Variants in COL5A1 observed in about 807,000 individuals in gnomAD.
The protein encoded by COL5A1 is collagen type V alpha 1 chain, also known as collagen alpha-1(V) chain.
In COL5A1, 16 loss-of-function variants were observed where a neutral mutation model predicts 263.7. That is an observed-to-expected ratio of 0.06 (90% CI 0.04 to 0.09). The LOEUF is 0.09. Among genes scored for constraint, COL5A1 ranks in the 10% least tolerant of loss-of-function variants. The pLI, the probability that COL5A1 is intolerant of heterozygous loss-of-function variation, is 1.00. For missense variants in COL5A1, 2,036 were observed against 2,540.5 expected (o/e 0.80, Z 4.27); for synonymous variants, 1,012 against 1,004.5 (o/e 1.01, Z -0.14).
Position 134,843,561 on chromosome 9 carries a change from G to A in COL5A1, c.*1258G>A, listed in dbSNP as rs1417757843. On this transcript the variant is annotated 3_prime_UTR_variant, in exon 66 of 66. Transcript: ENST00000371817. ...AGGATAGCCAAGCACACTCCCTCCT[G>A]CGCTCTCCCGCCCCGGTGCGTCCAC... is the stretch of plus-strand genomic sequence containing the variant. 1 of 152,656 alleles carries A rather than the reference G, an allele frequency of 6.6e-6. No individual in the cohort carries two copies. The highest frequency in any genetic ancestry group is 1.5e-5 in the Non-Finnish European group (1 of 68,068). The allele number at this position is 152,656 out of a possible 1,614,324, so 9.5% of individuals were successfully genotyped here. A position where few individuals can be genotyped will look rare whatever the true frequency, so the allele number is the denominator to read the frequency against.
chr9:134,741,740 G>C lies in COL5A1; in HGVS notation c.1494+2932G>C, dbSNP rs1835311225. 6.6e-6 allele frequency among the ~76,000 whole-genome samples: 1 copy of C among 152,126 alleles called. No individual in the cohort carries two copies. The highest frequency in any genetic ancestry group is 6.5e-5 in the Admixed American group (1 of 15,280). On this transcript the variant is annotated intron_variant, in intron 11 of 65. Transcript: ENST00000371817. This position sits in a 1 kb window ranked among gnomAD's most constrained non-coding sequence, Gnocchi z 4.5. ...TAGTCGTTCTGCAGGGGAGTGGCGT[G>C]CTCTGTCCCCTCCGTCTGCTTGGCC...
intron 44 of COL5A1, 142 bp from the exon 45 acceptor site, chr9:134,811,197 G>A (rs111826422): frequency 9.3e-5 from 75 of 804,580 alleles, no homozygotes; most frequent in African/African-American, 6.2e-4. Flanking sequence ...GGCTTGCATC[G>A]TGGTGCAAGG....
Position 134,732,122 on chromosome 9 carries a change from G to C in COL5A1, c.1384G>C (p.Glu462Gln), listed in dbSNP as rs761770226. 5 of 1,614,110 alleles carry C rather than the reference G, an allele frequency of 3.1e-6. No individual in the cohort carries two copies. The highest frequency in any genetic ancestry group is 4.2e-6 in the Non-Finnish European group (5 of 1,180,044). ...CCAAAAGGGAGAACCAGCGATTATC[G>C]AGCCGGTGAGGACATTTTCTCATTC... ...KGQKGEPAII[E>Q]PGMLIEGPPG... The change falls in exon 9 of 66, where the codon GAG becomes CAG. Residue 462 changes from glutamate (E) to glutamine (Q), a missense_variant. By Grantham distance (29) the Glu-to-Gln change is conservative. Transcript: ENST00000371817.
chr9:134,718,750 C>A (rs1035392757), intron 4 of COL5A1, among the ~76,000 whole-genome samples: 1 of 152,138 alleles, frequency 6.6e-6, no homozygotes, highest in Non-Finnish European at 1.5e-5. Flanking sequence ...CAGGCAGAGA[C>A]TCAGGAGCCC....
intron 64 of COL5A1, among the ~76,000 whole-genome samples, chr9:134,832,412 A>C (rs1456511756): frequency 1.3e-5 from 2 of 152,142 alleles, no homozygotes; most frequent in African/African-American, 4.8e-5. Flanking sequence ...TCTCCAAAAA[A>C]AAAGAAAGAA....
chr9:134,813,338 A>T (rs35310122), intron 48 of COL5A1, among the ~76,000 whole-genome samples: 5,423 of 152,266 alleles, frequency 0.036, 127 homozygotes, highest in Non-Finnish European at 0.052. Context: ...GACAGAGTGT[A>T]CATCCATGCA....
intron 32 of COL5A1, among the ~76,000 whole-genome samples, chr9:134,793,527 G>T (rs987434408): frequency 1.3e-5 from 2 of 152,114 alleles, no homozygotes; most frequent in African/African-American, 4.8e-5. Context: ...TTTGCTAACT[G>T]CCAGGGCCCC....
rs1836037169 is a variant in COL5A1, at chr9:134,757,804, C to T, written c.1882-439C>T. 1.3e-5 allele frequency among the ~76,000 whole-genome samples: 2 copies of T among 152,164 alleles called. No individual in the cohort carries two copies. Among genetic ancestry groups the T allele is most frequent in the Admixed American group, 6.5e-5 (1 of 15,278 alleles). The stretch of plus-strand genomic sequence containing the variant: ...CTGAGGGTAGCCAGTGCTGGCCCGT[C>T]CACCAATGGGTACGCGTACCTCCTG... On this transcript the variant is annotated intron_variant, in intron 17 of 65. Transcript: ENST00000371817. This position sits in a 1 kb window ranked among gnomAD's most constrained non-coding sequence, Gnocchi z 6.2.
chr9:134,807,142 T>G (rs1328376831), intron 42 of COL5A1, among the ~76,000 whole-genome samples: 1 of 152,230 alleles, frequency 6.6e-6, no homozygotes, highest in East Asian at 1.9e-4. Context: ...TACCTCTGCA[T>G]TCAATCAGCT....
At chr9:134,836,814 G>A (rs1192030301) in intron 65 of COL5A1, among the ~76,000 whole-genome samples, 1 of 152,242 alleles carries the variant, frequency 6.6e-6, no homozygotes, top group African/African-American at 2.4e-5. Flanking sequence ...GCCAGGCCGT[G>A]CTCAGCGGGG....
At chr9:134,771,747 G>A (rs1447799599) in intron 25 of COL5A1, among the ~76,000 whole-genome samples, 1 of 152,178 alleles carries the variant, frequency 6.6e-6, no homozygotes, top group Non-Finnish European at 1.5e-5. Flanking sequence ...GGCCCAGAGA[G>A]GGCAAGTGAC....
At chr9:134,797,665 T>C (rs1010163583) in intron 36 of COL5A1, among the ~76,000 whole-genome samples, 2 of 152,178 alleles carry the variant, frequency 1.3e-5, no homozygotes, top group Non-Finnish European at 2.9e-5. Flanking sequence ...GTATTTTTAG[T>C]AGAGATGGGG....
intron 4 of COL5A1, among the ~76,000 whole-genome samples, chr9:134,702,594 T>C (rs1323734803): frequency 6.6e-6 from 1 of 152,208 alleles, no homozygotes; most frequent in Non-Finnish European, 1.5e-5. Context: ...GTGTTAAAGA[T>C]ATCGATGTCT....
In COL5A1 at chr9:134,748,517, G is replaced by A. The variant is rs149692537; in HGVS notation, c.1495-2025G>A. 6.6e-5 allele frequency among the ~76,000 whole-genome samples: 10 copies of A among 152,338 alleles called. No individual in the cohort carries two copies. In the South Asian group the frequency reaches 1.7e-3, roughly 25 times the overall value. On this transcript the variant is annotated intron_variant, in intron 11 of 65. Transcript: ENST00000371817. ...CAAGGTTTGGTTTGGAATTGATTCC[G>A]ACACAGGAATCTCAGCTGTAAGTGG... is the stretch of plus-strand genomic sequence containing the variant.
At chr9:134,792,111 G>T (rs1837710331) in intron 32 of COL5A1, among the ~76,000 whole-genome samples, 1 of 151,672 alleles carries the variant, frequency 6.6e-6, no homozygotes, top group South Asian at 2.1e-4. Context: ...GGAGCCGGGG[G>T]CCGGCACAGG....
At chr9:134,830,860 G>A (rs747440200) in intron 64 of COL5A1, among the ~76,000 whole-genome samples, 3 of 152,200 alleles carry the variant, frequency 2.0e-5, no homozygotes, top group African/African-American at 7.2e-5. Flanking sequence ...CTTCTGCCGC[G>A]TGGAGTGCCC....
rs1231100434 is a variant in COL5A1 at position 134,682,559 on chromosome 9, G to C, written c.110-8353G>C. ...ATCCTACCACACTGCCTGGTGGGGT[G>C]GGGGAGAGCCTGCTGCCCAGGAAGG... is the stretch of plus-strand genomic sequence containing the variant. On this transcript the variant is annotated intron_variant, in intron 1 of 65. Transcript: ENST00000371817. The surrounding 1 kb of genome is among the most constrained non-coding windows in gnomAD (Gnocchi z 5.1). Among the ~76,000 whole-genome samples the C allele has an allele frequency of 2.6e-4, 40 of 152,342 alleles. 2 individuals carry two copies. Among genetic ancestry groups the C allele is most frequent in the Admixed American group, 2.5e-3 (38 of 15,302 alleles).
At chr9:134,829,541 G>T (rs1016998874) in intron 63 of COL5A1, among the ~76,000 whole-genome samples, 2 of 145,224 alleles carry the variant, frequency 1.4e-5, no homozygotes, top group Admixed American at 1.4e-4. Flanking sequence ...TCCTCCTCAC[G>T]CAGCCTCCGG....
rs528040592 is a variant in COL5A1 at position 134,786,154 on chromosome 9, G to C, written c.2646+106G>C. 1.1e-3 allele frequency: 1,159 copies of C among 1,092,800 alleles called. 1 individual carries two copies. Among genetic ancestry groups the C allele is most frequent in the Non-Finnish European group, 1.5e-3 (1,086 of 729,840 alleles). 67.7% of individuals were successfully genotyped at this position (1,092,800 alleles called of 1,614,324 possible). A position where few individuals can be genotyped will look rare whatever the true frequency, so the allele number is the denominator to read the frequency against. On this transcript the variant is annotated intron_variant, in intron 31 of 65. Coordinates refer to ENST00000371817, the MANE Select transcript of COL5A1 (RefSeq NM_000093.5). ...TTAGGTGTCCCGGCACAGGTGGAAG[G>C]ATGTTCTGCCGATAACTTCTGGCCA...
Sources: allele counts gnomAD v4.1 joint callset (sites outside exome capture counted in the v4.1 genomes callset), GRCh38; gene constraint gnomAD v4.1.1; non-coding constraint Gnocchi (gnomAD v3.1); transcripts MANE v1.5; gene names NCBI Gene and HGNC (gene_info 2026-07-23, HGNC 2026-07-21).